FRMD4B: variants seen among roughly 807,000 people sequenced by gnomAD.
FRMD4B encodes the protein FERM domain containing 4B.
FRMD4B carries 74 observed loss-of-function variants against 141.5 expected under a neutral mutation model. That is an observed-to-expected ratio of 0.52 (90% confidence interval 0.43 to 0.63). The LOEUF (loss-of-function observed/expected upper bound fraction) is 0.63, where lower values mean the gene tolerates loss of function less well. Among genes scored for constraint, FRMD4B ranks in the 30% least tolerant of loss-of-function variants. The pLI is 0.00. For missense variants in FRMD4B, 1,366 were observed against 1,253.4 expected (o/e 1.09, Z -1.36); for synonymous variants, 506 against 467.9 (o/e 1.08, Z -1.05).
intron 1 of FRMD4B, among the ~76,000 whole-genome samples, chr3:69,314,219 T>A (rs1397687315): frequency 1.3e-5 from 1 of 78,730 alleles, no homozygotes; most frequent in Non-Finnish European, 2.2e-5. Context: ...CTGGAATTAA[T>A]GTTTTATTAA....
At chr3:69,268,607 G>GA (rs1279628498) in intron 5 of FRMD4B, among the ~76,000 whole-genome samples, 2 of 151,790 alleles carry the variant, frequency 1.3e-5, no homozygotes, top group Admixed American at 1.3e-4. Context: ...TTAGAAAAAA[G>GA]AAAAAATGCA....
chr3:69,520,052 T>C (rs1281728634), intron 1 of FRMD4B, among the ~76,000 whole-genome samples: 3 of 108,746 alleles, frequency 2.8e-5, no homozygotes, highest in Non-Finnish European at 5.2e-5. Flanking sequence ...ATTCCATCCA[T>C]ATATATATAT....
chr3:69,322,765 T>C (rs1702054525), intron 1 of FRMD4B, among the ~76,000 whole-genome samples: 1 of 152,050 alleles, frequency 6.6e-6, no homozygotes. Context: ...CCTGGCTAAC[T>C]TTTTCTATTT....
chr3:69,222,933 C>T (rs1369445877), intron 8 of FRMD4B, among the ~76,000 whole-genome samples: 2 of 152,170 alleles, frequency 1.3e-5, no homozygotes, highest in Admixed American at 6.5e-5. Context: ...TAAGGCCTAT[C>T]CTCTCTTTGG....
intron 3 of FRMD4B, chr3:69,306,550 C>T (rs1412826842): frequency 6.6e-6 from 1 of 152,152 alleles, no homozygotes; most frequent in Non-Finnish European, 1.5e-5. Context: ...CCGTGACTGC[C>T]CTCTAGGGGT....
intron 2 of FRMD4B, among the ~76,000 whole-genome samples, chr3:69,394,664 T>C (rs1704445194): frequency 6.6e-6 from 1 of 152,216 alleles, no homozygotes; most frequent in Non-Finnish European, 1.5e-5. Flanking sequence ...ATCCCATTAC[T>C]GGGTATATAC....
At chr3:69,533,973 C>G (rs1378532808) in intron 1 of FRMD4B, among the ~76,000 whole-genome samples, 1 of 152,204 alleles carries the variant, frequency 6.6e-6, no homozygotes, top group Non-Finnish European at 1.5e-5. Flanking sequence ...CAAGAATCTT[C>G]CAGGTTCCCT....
At chr3:69,473,774 G>T (rs1185507432) in intron 1 of FRMD4B, among the ~76,000 whole-genome samples, 1 of 152,146 alleles carries the variant, frequency 6.6e-6, no homozygotes, top group Non-Finnish European at 1.5e-5. Context: ...TAGGTGAAAA[G>T]CAAAGTAGCT....
chr3:69,477,113 A>G (rs1203542589), intron 1 of FRMD4B, among the ~76,000 whole-genome samples: 1 of 152,150 alleles, frequency 6.6e-6, no homozygotes, highest in Non-Finnish European at 1.5e-5. Context: ...GGCTGAGACG[A>G]TGGGGTTTTC....
chr3:69,498,833 G>A (rs1007522176), intron 1 of FRMD4B, among the ~76,000 whole-genome samples: 1 of 152,064 alleles, frequency 6.6e-6, no homozygotes, highest in Non-Finnish European at 1.5e-5. Context: ...TTCCTTCAAT[G>A]AGTATTTATC....
intron 1 of FRMD4B, among the ~76,000 whole-genome samples, chr3:69,344,890 T>A (rs777996001): frequency 6.6e-6 from 1 of 151,788 alleles, no homozygotes; most frequent in Non-Finnish European, 1.5e-5. Context: ...ACAGCTCCAG[T>A]CTATAGCTCC....
chr3:69,221,545 C>G (rs2093194870), intron 9 of FRMD4B, among the ~76,000 whole-genome samples: 1 of 152,140 alleles, frequency 6.6e-6, no homozygotes, highest in South Asian at 2.1e-4. Context: ...AACATTATGC[C>G]TGAATTCTAA....
chr3:69,227,546 C>T (rs2093265969), intron 7 of FRMD4B, among the ~76,000 whole-genome samples: 1 of 151,816 alleles, frequency 6.6e-6, no homozygotes, highest in Admixed American at 6.6e-5. Flanking sequence ...CCTGTAATCC[C>T]AGCTACTCAG....
intron 1 of FRMD4B, among the ~76,000 whole-genome samples, chr3:69,371,993 T>A (rs887333735): frequency 1.3e-5 from 2 of 152,204 alleles, no homozygotes; most frequent in Non-Finnish European, 2.9e-5. Context: ...TGTGATCTAA[T>A]CTCTGCTGCC....
chr3:69,210,425 T>A (rs1332137123), intron 11 of FRMD4B, among the ~76,000 whole-genome samples: 1 of 152,140 alleles, frequency 6.6e-6, no homozygotes. Context: ...TGCTTTTTTT[T>A]TTTTCTTTAA....
Position 69,471,991 on chromosome 3 carries a change from C to CTTT in FRMD4B, c.-128-39233_-128-39231dup, listed in dbSNP as rs58822985. 7.5e-3 allele frequency: 1,115 copies of CTTT among 148,804 alleles called. 12 individuals are homozygous for CTTT. The highest frequency in any genetic ancestry group is 0.014 in the Admixed American group (210 of 14,910). 9.2% of individuals were successfully genotyped at this position (148,804 alleles called of 1,614,324 possible). A position where few individuals can be genotyped will look rare whatever the true frequency, so the allele number is the denominator to read the frequency against. On this transcript the variant is annotated intron_variant, in intron 1 of 5. Transcript: ENST00000459638. ...TTCTCCCCTCACTGGTGAAAGTTGTCTTTTTTTTTTTTTTATAAAAGAGAA... is the reference window on the plus strand; with the variant it reads ...TTCTCCCCTCACTGGTGAAAGTTGTCTTTTTTTTTTTTTTTTTATAAAAGAGAA...
intron 1 of FRMD4B, among the ~76,000 whole-genome samples, chr3:69,515,165 G>A (rs962589647): frequency 3.3e-5 from 5 of 152,102 alleles, no homozygotes; most frequent in Non-Finnish European, 7.4e-5. Context: ...GTGGGGTAGG[G>A]GGTGCAACAC....
intron 17 of FRMD4B, among the ~76,000 whole-genome samples, chr3:69,190,907 A>G (rs183775232): frequency 9.8e-5 from 15 of 152,354 alleles, no homozygotes; most frequent in Admixed American, 7.2e-4. Context: ...ATCTCTAAGT[A>G]TCACCTGGCT....
intron 7 of FRMD4B, among the ~76,000 whole-genome samples, chr3:69,230,406 A>G (rs546468066): frequency 6.8e-4 from 104 of 152,326 alleles, no homozygotes; most frequent in African/African-American, 2.3e-3. Flanking sequence ...CCTATAACCC[A>G]GTAATCCTCT....
Sources: allele counts gnomAD v4.1 joint callset (sites outside exome capture counted in the v4.1 genomes callset), GRCh38; gene constraint gnomAD v4.1.1; transcripts MANE v1.5; gene names NCBI Gene and HGNC (gene_info 2026-07-23, HGNC 2026-07-21).